TGFB2: variants seen among roughly 807,000 people sequenced by gnomAD.
TGFB2 encodes transforming growth factor beta-2 proprotein.
TGFB2 carries 13 observed loss-of-function variants against 42.7 expected under a neutral mutation model. The observed-to-expected ratio is 0.30, with a 90% CI of 0.20 to 0.48. The LOEUF is 0.48. Ranked by LOEUF, TGFB2 falls within the 20% of genes least tolerant of loss-of-function variation. The probability of loss-of-function intolerance (pLI) is 0.99; values close to 1 mark genes in which losing one functional copy is unlikely to be tolerated. For synonymous variants in TGFB2, 193 were observed against 193.6 expected, an observed-to-expected ratio of 1.00 and a Z score of 0.03; for missense variants, 390 against 517.5, an observed-to-expected ratio of 0.75 and a Z score of 2.39.
intron 2 of TGFB2, among the ~76,000 whole-genome samples, chr1:218,428,748 A>G (rs1024989374): frequency 2.0e-5 from 3 of 152,072 alleles, no homozygotes; most frequent in African/African-American, 7.2e-5. Context: ...GCCTTGTAGT[A>G]TAGTTTGAAG....
intron 1 of TGFB2, among the ~76,000 whole-genome samples, chr1:218,349,663 T>C (rs1451026026): frequency 6.6e-6 from 1 of 152,258 alleles, no homozygotes; most frequent in Non-Finnish European, 1.5e-5. Flanking sequence ...CATTACAGAT[T>C]GCTGATAGCC....
chr1:218,375,795 A>T (rs1350309799), intron 1 of TGFB2, among the ~76,000 whole-genome samples: 2 of 152,196 alleles, frequency 1.3e-5, no homozygotes, highest in African/African-American at 4.8e-5. Context: ...GAGCATCAGG[A>T]GGAATAGCTA....
intron 1 of TGFB2, among the ~76,000 whole-genome samples, chr1:218,385,149 G>A (rs1658092051): frequency 6.6e-6 from 1 of 152,118 alleles, no homozygotes; most frequent in Non-Finnish European, 1.5e-5. Flanking sequence ...GTAGCTCTGA[G>A]CCTCAGTTTC....
chr1:218,391,315 G>A (rs560255393), intron 1 of TGFB2, among the ~76,000 whole-genome samples: 2 of 152,278 alleles, frequency 1.3e-5, no homozygotes, highest in South Asian at 2.1e-4. Context: ...TGGTGGTAGT[G>A]TGTGCCTGTA....
rs1225134661 is a variant in TGFB2, at chr1:218,441,623, T to A, written c.*261T>A. On this transcript the variant is annotated 3_prime_UTR_variant, in exon 7 of 7. Coordinates refer to ENST00000366930, the MANE Select transcript of TGFB2 (RefSeq NM_003238.6). Reference sequence around the variant, plus strand: ...TAAGTGAGAGAGACAAGAAGCAAATTTTTTTTAAAGAAAAAAATAAACACT... The same window carrying A: ...TAAGTGAGAGAGACAAGAAGCAAATATTTTTTAAAGAAAAAAATAAACACT... 4 of 296,648 alleles carry A rather than the reference T, an allele frequency of 1.3e-5. No individual in the cohort carries two copies. 18.4% of individuals were successfully genotyped at this position (296,648 alleles called of 1,614,324 possible).
chr1:218,434,975 T>A (rs1659924758), intron 4 of TGFB2, among the ~76,000 whole-genome samples: 2 of 152,214 alleles, frequency 1.3e-5, no homozygotes, highest in African/African-American at 4.8e-5. Context: ...TATATTAGTT[T>A]ATAAACACAT....
intron 2 of TGFB2, among the ~76,000 whole-genome samples, chr1:218,409,254 T>C (rs972016988): frequency 6.6e-6 from 1 of 152,216 alleles, no homozygotes; most frequent in African/African-American, 2.4e-5. Context: ...GGACTTCTGC[T>C]TTAGACTAAA....
intron 2 of TGFB2, among the ~76,000 whole-genome samples, chr1:218,412,792 G>A (rs1350236049): frequency 6.6e-6 from 1 of 152,166 alleles, no homozygotes; most frequent in Non-Finnish European, 1.5e-5. Flanking sequence ...TCTCTCCTAA[G>A]TTACCTGTGA....
In TGFB2 at chr1:218,443,519, C is replaced by A. The variant is rs1210582210; in HGVS notation, c.*2157C>A. 6.6e-6 allele frequency: 1 copy of A among 152,104 alleles called. No individual in the cohort carries two copies. Among genetic ancestry groups the A allele is most frequent in the Non-Finnish European group, 1.5e-5 (1 of 68,016 alleles). The allele number at this position is 152,104 out of a possible 1,614,324, so 9.4% of individuals were successfully genotyped here. ...TAAACAGCCCTTGTGTTGGATGTAA[C>A]CCAATCCCAGATTTGAGTGTGTGTT... On this transcript the variant is annotated 3_prime_UTR_variant, in exon 7 of 7. Coordinates refer to ENST00000366930, the MANE Select transcript of TGFB2 (RefSeq NM_003238.6).
At chr1:218,363,922 T>G (rs1657300215) in intron 1 of TGFB2, among the ~76,000 whole-genome samples, 1 of 152,246 alleles carries the variant, frequency 6.6e-6, no homozygotes, top group African/African-American at 2.4e-5. Context: ...TCGGCCTGCA[T>G]GCAGTCCAGG....
rs757113420 is a variant in TGFB2 at position 218,434,244 on chromosome 1, A to G, written c.643+30A>G. ...CAAGCCACTCTCTCTTTTCCTCCCA[A>G]GATGTTCAGTATCCCTAAGTTACTT... On this transcript the variant is annotated intron_variant, in intron 3 of 6. Transcript: ENST00000366930. 27 of 1,612,552 alleles carry G rather than the reference A, an allele frequency of 1.7e-5. 1 individual carries two copies. Among genetic ancestry groups the G allele is most frequent in the Middle Eastern group, 1.6e-4 (1 of 6,078 alleles).
chr1:218,434,417 T>C lies in TGFB2; in HGVS notation c.723T>C (p.Asn241=). 1.2e-6 allele frequency: 2 copies of C among 1,613,386 alleles called. No homozygotes were observed. The highest frequency in any genetic ancestry group is 1.7e-6 in the Non-Finnish European group (2 of 1,179,730). The change falls in exon 4 of 7, where the codon AAT becomes AAC. Residue 241 remains asparagine, a synonymous_variant. Coordinates refer to ENST00000366930, the MANE Select transcript of TGFB2 (RefSeq NM_003238.6). ...FVPSNNYIIP[N]KSEELEARFA... is the part of the protein sequence containing the mutation. ...CATCTAATAATTACATCATCCCAAA[T>C]AAAAGTGAAGAACTAGAAGCAAGAT...
chr1:218,409,796 G>T (rs1659037916), intron 2 of TGFB2, among the ~76,000 whole-genome samples: 1 of 152,162 alleles, frequency 6.6e-6, no homozygotes, highest in African/African-American at 2.4e-5. Flanking sequence ...CACACAATTG[G>T]CATCCTAATC....
rs11466395 is a variant in TGFB2 at position 218,402,862 on chromosome 1, G to A, written c.347-2307G>A. Among the ~76,000 whole-genome samples the A allele has an allele frequency of 5.6e-3, 852 of 152,348 alleles. 9 individuals carry two copies. Among genetic ancestry groups the A allele is most frequent in the African/African-American group, 0.02 (815 of 41,580 alleles). ...TGAATGCAGCATCAGCCTGTGGAAG[G>A]TTTTGGCCAAGACGGTGTGCAATGC... is the stretch of plus-strand genomic sequence containing the variant. On this transcript the variant is annotated intron_variant, in intron 1 of 6. Coordinates refer to ENST00000366930, the MANE Select transcript of TGFB2 (RefSeq NM_003238.6).
In TGFB2 at chr1:218,443,124, A is replaced by G. The variant is rs557278950; in HGVS notation, c.*1762A>G. On this transcript the variant is annotated 3_prime_UTR_variant, in exon 7 of 7. Transcript: ENST00000366930. ...TGTTCTTTGAAGGGGAAAAGGCACA[A>G]GCCAATTTTTCCTATGATCAAAAAA... 1 of 152,380 alleles carries G rather than the reference A, an allele frequency of 6.6e-6. No homozygotes were observed. The highest frequency in any genetic ancestry group is 1.5e-5 in the Non-Finnish European group (1 of 68,032). 9.4% of individuals were successfully genotyped at this position (152,380 alleles called of 1,614,324 possible).
At chr1:218,361,639 T>C (rs1657214518) in intron 1 of TGFB2, among the ~76,000 whole-genome samples, 1 of 152,246 alleles carries the variant, frequency 6.6e-6, no homozygotes, top group African/African-American at 2.4e-5. Context: ...TATTCTACCT[T>C]TCTCTGGTTG....
At chr1:218,394,198 C>T (rs769469846) in intron 1 of TGFB2, among the ~76,000 whole-genome samples, 34 of 152,166 alleles carry the variant, frequency 2.2e-4, no homozygotes, top group Admixed American at 8.5e-4. Context: ...CGTAAGCCAC[C>T]GCACCCGGCC....
At chr1:218,371,132 TTACAAAAAA>T (rs971913775) in intron 1 of TGFB2, among the ~76,000 whole-genome samples, 7 of 152,044 alleles carry the variant, frequency 4.6e-5, no homozygotes, top group African/African-American at 1.7e-4. Flanking sequence ...AACCCCATCT[TTACAAAAAA>T]TACAAAAAAT....
intron 1 of TGFB2, 47 bp downstream of exon 1, chr1:218,347,094 G>A: frequency 1.3e-6 from 2 of 1,516,584 alleles, no homozygotes; most frequent in Non-Finnish European, 1.8e-6. Context: ...AGCTCTGCCC[G>A]GAGCTCTCAA....
Sources: allele counts gnomAD v4.1 joint callset (sites outside exome capture counted in the v4.1 genomes callset), GRCh38; gene constraint gnomAD v4.1.1; transcripts MANE v1.5; gene names NCBI Gene and HGNC (gene_info 2026-07-23, HGNC 2026-07-21).